POM121: variants seen among roughly 807,000 people sequenced by gnomAD.
POM121 encodes POM121 transmembrane nucleoporin.
A neutral mutation model predicts 81.3 loss-of-function variants in POM121; 32 were observed. That is an observed-to-expected ratio of 0.39 (90% CI 0.30 to 0.53). The LOEUF (loss-of-function observed/expected upper bound fraction) is 0.53, where lower values mean the gene tolerates loss of function less well. Ranked by LOEUF, POM121 falls within the 20% of genes least tolerant of loss-of-function variation. The pLI is 0.66. For missense variants in POM121, 1,138 were observed against 1,614.6 expected, an observed-to-expected ratio of 0.70 and a Z score of 5.06; for synonymous variants, 514 against 694.2, an observed-to-expected ratio of 0.74 and a Z score of 4.08.
At chr7:72,923,111 CAACCCCCCCCCCCT>C (rs1401792289), upstream of POM121, among the ~76,000 whole-genome samples, 10 of 128,754 alleles carry the variant, frequency 7.8e-5, no homozygotes, top group African/African-American at 3.0e-4. Flanking sequence ...AGCTCCCCCC[CAACCCCCCCCCCCT>C]TTTTTTTTCA....
At chr7:72,949,237 G>A, downstream of POM121, 1 of 835,490 alleles carries the variant, frequency 1.2e-6, no homozygotes, top group South Asian at 1.4e-5. Flanking sequence ...TCAGAACTAA[G>A]ACCAAAACAG....
chr7:72,938,849 C>T (rs1411012303), intron 6 of POM121, among the ~76,000 whole-genome samples, 168 bp downstream of exon 6: 1 of 152,246 alleles, frequency 6.6e-6, no homozygotes. Context: ...GTGCTGTCAT[C>T]CCTACAGTCT....
downstream of POM121, chr7:72,949,813 C>A (rs1350412028): frequency 8.8e-6 from 11 of 1,247,402 alleles, no homozygotes; most frequent in African/African-American, 3.0e-5. Flanking sequence ...AAAATCAAAC[C>A]CCATGTCCTC....
chr7:72,928,292 G>A, intron 3 of POM121, 93 bp from the exon 4 acceptor site: 2 of 1,507,406 alleles, frequency 1.3e-6, no homozygotes, highest in South Asian at 2.3e-5. Flanking sequence ...GTGCTCCATA[G>A]AGATAGTATA....
rs782452958 is a variant in POM121, at chr7:72,926,379, C to A, written c.762C>A (p.His254Gln). The change falls in exon 2 of 13, where the codon CAC becomes CAA. Residue 254 changes from histidine (H) to glutamine (Q), a missense_variant. His to Gln is a conservative substitution (Grantham distance 24). This residue lies in a region of POM121 where 646 missense variants were observed against 633.5 expected (regional missense o/e 1.02). Transcript: ENST00000434423. ...VLPTVCWNGY[H>Q]KKAVLSPRNS... Reference sequence around the variant, plus strand: ...CCACCGTGTGCTGGAATGGTTATCACAAGAAGGCTGTGCTGTCCCCTCGCA... The same window carrying A: ...CCACCGTGTGCTGGAATGGTTATCAAAAGAAGGCTGTGCTGTCCCCTCGCA... 1.2e-6 allele frequency: 2 copies of A among 1,614,004 alleles called. No homozygotes were observed. The highest frequency in any genetic ancestry group is 2.2e-5 in the South Asian group (2 of 91,070).
At chr7:72,883,813 TTATTGCTGTGATTTAC>T (rs1322687619) in intron 1 of POM121, among the ~76,000 whole-genome samples, 1 of 152,138 alleles carries the variant, frequency 6.6e-6, no homozygotes, top group Non-Finnish European at 1.5e-5. Context: ...TGACTGTTGA[TTATTGCTGTGATTTAC>T]TATTGCTGTG....
chr7:72,921,602 T>A (rs1470978257), upstream of POM121, among the ~76,000 whole-genome samples: 1 of 152,234 alleles, frequency 6.6e-6, no homozygotes, highest in Non-Finnish European at 1.5e-5. Context: ...TGCTTCCTGT[T>A]GTCCTCTGCC....
chr7:72,883,198 C>T (rs1490350772), intron 1 of POM121, among the ~76,000 whole-genome samples: 3 of 152,190 alleles, frequency 2.0e-5, no homozygotes, highest in African/African-American at 7.2e-5. Context: ...TGCTGCCACA[C>T]CTCGCTAATT....
chr7:72,945,180 A>G (rs1586193883), intron 11 of POM121, among the ~76,000 whole-genome samples: 1 of 152,290 alleles, frequency 6.6e-6, no homozygotes, highest in Non-Finnish European at 1.5e-5. Context: ...GGGGCATCAC[A>G]AAAGACGCGG....
chr7:72,884,387 A>G (rs1790468825), intron 1 of POM121, among the ~76,000 whole-genome samples: 1 of 151,814 alleles, frequency 6.6e-6, no homozygotes, highest in Non-Finnish European at 1.5e-5. Context: ...TCTTTTTGAA[A>G]ATTAAGTGGT....
intron 1 of POM121, among the ~76,000 whole-genome samples, chr7:72,886,266 C>T (rs3095068): frequency 1.6e-3 from 235 of 149,822 alleles, no homozygotes; most frequent in Middle Eastern, 6.8e-3. Context: ...CTCTGCCTCC[C>T]TGGTTCAAGT....
At chr7:72,941,669 A>C (rs1225491030) in intron 10 of POM121, among the ~76,000 whole-genome samples, 168 bp from the exon 11 acceptor site, 1 of 151,986 alleles carries the variant, frequency 6.6e-6, no homozygotes, top group Non-Finnish European at 1.5e-5. Flanking sequence ...GGTAGAAATA[A>C]CACTTCCTTG....
chr7:72,949,409 C>A (rs1797926273), downstream of POM121: 12 of 1,334,956 alleles, frequency 9.0e-6, no homozygotes, highest in Non-Finnish European at 1.2e-5. Context: ...TCAGCCAGCT[C>A]ACAGCAGGAG....
chr7:72,939,685 G>A (rs1462525320), intron 7 of POM121, among the ~76,000 whole-genome samples, 162 bp from the exon 8 acceptor site: 8 of 152,138 alleles, frequency 5.3e-5, no homozygotes, highest in Admixed American at 2.6e-4. Flanking sequence ...TTGTGTGCGC[G>A]CCTTAATCTT....
chr7:72,937,973 G>T (rs565342070), intron 5 of POM121, among the ~76,000 whole-genome samples: 2 of 152,282 alleles, frequency 1.3e-5, no homozygotes, highest in Admixed American at 1.3e-4. Context: ...GACTAAATTA[G>T]TTTACTGGGT....
At chr7:72,916,252 A>C (rs1193675298) in intron 4 of POM121, among the ~76,000 whole-genome samples, 1 of 152,222 alleles carries the variant, frequency 6.6e-6, no homozygotes, top group Admixed American at 6.5e-5. Context: ...GCCCATGCCT[A>C]TGTCCTGAAT....
chr7:72,938,625 C>G lies in POM121; in HGVS notation c.1311C>G (p.Phe437Leu). 6.2e-7 allele frequency: 1 copy of G among 1,613,956 alleles called. No homozygotes were observed. ...WKRNGPSSSP[F>L]SSPASSRSQT... ...GAAATGGCCCCAGTTCATCACCCTT[C>G]TCTAGCCCAGCCTCCTCCCGCTCCC... Residue 437 changes from phenylalanine (F) to leucine (L), a missense_variant, in exon 6 of 13, where the codon TTC (phenylalanine) becomes TTG (leucine). This residue lies in a region of POM121 where 646 missense variants were observed against 633.5 expected (regional missense o/e 1.02). Coordinates refer to ENST00000434423, the MANE Select transcript of POM121 (RefSeq NM_001387691.1).
downstream of POM121, chr7:72,950,011 C>T (rs782710682): frequency 1.6e-5 from 24 of 1,533,692 alleles, no homozygotes; most frequent in Non-Finnish European, 2.2e-5. Context: ...CAGGCTAGGC[C>T]CTTCCCGTGC....
At position 72,925,167 on chromosome 7, in the gene POM121, C is replaced by T. The variant is rs1554496826; in HGVS notation, c.46C>T (p.Pro16Ser). ...AAAGAGERRR[P>S]IASVRDGRGR... ...GGCTGGAGCAGGCGAGCGGCGGCGG[C>T]CCATAGCGAGTGTCAGGGACGGCCG... Residue 16 changes from proline (P) to serine (S), a missense_variant, in exon 1 of 13, where the codon CCC becomes TCC. By Grantham distance (74) the Pro-to-Ser change is moderately conservative. This residue lies in a region of POM121 where 646 missense variants were observed against 633.5 expected (regional missense o/e 1.02). Coordinates refer to ENST00000434423, the MANE Select transcript of POM121 (RefSeq NM_001387691.1). 2 of 1,501,296 alleles carry T rather than the reference C, an allele frequency of 1.3e-6. No homozygotes were observed. Among genetic ancestry groups the T allele is most frequent in the Non-Finnish European group, 1.8e-6 (2 of 1,133,386 alleles). 93.0% of individuals were successfully genotyped at this position (1,501,296 alleles called of 1,614,324 possible).
Sources: allele counts gnomAD v4.1 joint callset (sites outside exome capture counted in the v4.1 genomes callset), GRCh38; gene constraint gnomAD v4.1.1; regional missense constraint gnomAD v4.1.1; transcripts MANE v1.5; gene names NCBI Gene and HGNC (gene_info 2026-07-23, HGNC 2026-07-21).